Variants in PAQR8 observed in about 807,000 individuals in gnomAD.
The protein encoded by PAQR8 is progestin and adipoQ receptor family member 8.
PAQR8 carries 17 observed loss-of-function variants against 25.2 expected under a neutral mutation model. The ratio of observed to expected loss-of-function variants is 0.67; its 90% CI spans 0.46 to 1.01. The LOEUF is 1.01. Ranked by LOEUF, PAQR8 falls within the 50% of genes least tolerant of loss-of-function variation. PAQR8 has a pLI of 0.00. For missense variants in PAQR8, 392 were observed against 448.4 expected, an observed-to-expected ratio of 0.87 and a Z score of 1.14; for synonymous variants, 204 against 190.6, an observed-to-expected ratio of 1.07 and a Z score of -0.58.
At chr6:52,386,141 CCA>C (rs1562430980) in intron 1 of PAQR8, among the ~76,000 whole-genome samples, 1 of 151,854 alleles carries the variant, frequency 6.6e-6, no homozygotes, top group Non-Finnish European at 1.5e-5. Flanking sequence ...AAAACTACAA[CCA>C]GATACTATCT....
In PAQR8 at chr6:52,403,848, G is replaced by A. The variant is rs1264511253; in HGVS notation, c.635G>A (p.Cys212Tyr). The A allele has an allele frequency of 6.2e-7, 1 of 1,614,124 alleles. No individual in the cohort carries two copies. The highest frequency in any genetic ancestry group is 2.2e-5 in the East Asian group (1 of 44,900). The change falls in exon 2 of 2, where the codon TGT becomes TAT. Residue 212 changes from cysteine (C) to tyrosine (Y), a missense_variant. Coordinates refer to ENST00000442253, the MANE Select transcript of PAQR8 (RefSeq NM_133367.5). The part of the protein sequence containing the change: ...RRPYPVMRKI[C>Y]QVVPAGLAFI... Reference sequence around the variant, plus strand: ...CCTTATCCAGTCATGAGGAAGATCTGTCAAGTGGTGCCAGCAGGTCTGGCT... The same window carrying A: ...CCTTATCCAGTCATGAGGAAGATCTATCAAGTGGTGCCAGCAGGTCTGGCT...
intron 1 of PAQR8, among the ~76,000 whole-genome samples, chr6:52,388,103 C>T (rs751825540): frequency 2.6e-5 from 4 of 152,132 alleles, no homozygotes; most frequent in South Asian, 2.1e-4. Context: ...AGGCTGGATC[C>T]GGTAGCTCAT....
intron 1 of PAQR8, among the ~76,000 whole-genome samples, chr6:52,365,883 A>G (rs930312737): frequency 2.0e-5 from 3 of 152,140 alleles, no homozygotes; most frequent in Admixed American, 1.3e-4. Flanking sequence ...TATATTATGT[A>G]TAACAGTTTG....
chr6:52,374,599 T>A (rs1763460864), intron 1 of PAQR8, among the ~76,000 whole-genome samples: 1 of 152,176 alleles, frequency 6.6e-6, no homozygotes, highest in East Asian at 1.9e-4. Flanking sequence ...AGGGTCTTGC[T>A]ATGTTGGTGC....
chr6:52,403,788 C>T lies in PAQR8; in HGVS notation c.575C>T (p.Ala192Val), dbSNP rs768108853. 5.0e-6 allele frequency: 8 copies of T among 1,614,132 alleles called. No individual in the cohort carries two copies. The highest frequency in any genetic ancestry group is 1.3e-5 in the African/African-American group (1 of 74,940). Residue 192 changes from alanine (A) to valine (V), a missense_variant, in exon 2 of 2, where the codon GCT (alanine) becomes GTT (valine). Coordinates refer to ENST00000442253, the MANE Select transcript of PAQR8 (RefSeq NM_133367.5). Reference sequence around the variant, plus strand: ...GCCTTCTGTGGCTGGTTATCTTGTGCTGGCTGTTGCTATGCCAAATATCGT... The same window carrying T: ...GCCTTCTGTGGCTGGTTATCTTGTGTTGGCTGTTGCTATGCCAAATATCGT... Reference protein sequence around the residue: ...AAAFCGWLSCAGCCYAKYRYR... With the variant: ...AAAFCGWLSCVGCCYAKYRYR...
intron 1 of PAQR8, among the ~76,000 whole-genome samples, chr6:52,373,043 A>G (rs1208785717): frequency 6.6e-6 from 1 of 152,168 alleles, no homozygotes. Flanking sequence ...GCCATGCTAC[A>G]TGGTTGCTAC....
intron 1 of PAQR8, among the ~76,000 whole-genome samples, chr6:52,364,954 A>G (rs1162321760): frequency 6.6e-6 from 1 of 152,188 alleles, no homozygotes; most frequent in Non-Finnish European, 1.5e-5. Flanking sequence ...TTTGGTGTTT[A>G]TGCTCTGGTA....
chr6:52,370,840 C>G (rs1434401805), intron 1 of PAQR8, among the ~76,000 whole-genome samples: 3 of 152,216 alleles, frequency 2.0e-5, no homozygotes, highest in Admixed American at 1.3e-4. Flanking sequence ...TACTCCCTAT[C>G]TTCTGCATTG....
chr6:52,367,152 G>C (rs1038477156), intron 1 of PAQR8, among the ~76,000 whole-genome samples: 3 of 152,152 alleles, frequency 2.0e-5, no homozygotes, highest in East Asian at 1.9e-4. Flanking sequence ...ATACCTGGAG[G>C]GGGAGGGATG....
At chr6:52,389,953 C>G (rs181447546) in intron 1 of PAQR8, among the ~76,000 whole-genome samples, 1 of 152,292 alleles carries the variant, frequency 6.6e-6, no homozygotes, top group East Asian at 1.9e-4. Flanking sequence ...CAAACCACAC[C>G]TAACGAAGCC....
chr6:52,393,333 CTTTTTTTT>C (rs35079265), intron 1 of PAQR8, among the ~76,000 whole-genome samples: 232 of 111,172 alleles, frequency 2.1e-3, no homozygotes, highest in African/African-American at 7.2e-3. Context: ...CTTTCTCTCT[CTTTTTTTT>C]TTTTTTTTTT....
intron 1 of PAQR8, among the ~76,000 whole-genome samples, chr6:52,385,555 G>A (rs895711164): frequency 6.6e-6 from 1 of 152,128 alleles, no homozygotes. Context: ...TGACAAGTGA[G>A]ACCTAATTAA....
At chr6:52,393,147 G>C (rs959630862) in intron 1 of PAQR8, among the ~76,000 whole-genome samples, 2 of 152,048 alleles carry the variant, frequency 1.3e-5, no homozygotes, top group Non-Finnish European at 2.9e-5. Context: ...GTGCAGCCTT[G>C]GACAAGTTAT....
At chr6:52,384,609 A>G (rs975024508) in intron 1 of PAQR8, among the ~76,000 whole-genome samples, 1 of 152,226 alleles carries the variant, frequency 6.6e-6, no homozygotes, top group African/African-American at 2.4e-5. Flanking sequence ...AGGAGGAGGA[A>G]TTTCAAACCT....
chr6:52,399,299 G>T (rs189205415), intron 1 of PAQR8, among the ~76,000 whole-genome samples: 4 of 152,326 alleles, frequency 2.6e-5, no homozygotes, highest in Non-Finnish European at 1.5e-5. Context: ...TCAGAGCTCT[G>T]CAGTCATGGT....
At chr6:52,378,883 G>C (rs1763517354) in intron 1 of PAQR8, among the ~76,000 whole-genome samples, 1 of 151,870 alleles carries the variant, frequency 6.6e-6, no homozygotes, top group Non-Finnish European at 1.5e-5. Flanking sequence ...GATCACCTGA[G>C]GTCAGGAGTT....
rs1263120068 is a variant in PAQR8 at position 52,407,573 on chromosome 6, A to G, written c.*3295A>G. On this transcript the variant is annotated 3_prime_UTR_variant, in exon 2 of 2. Coordinates refer to ENST00000442253, the MANE Select transcript of PAQR8 (RefSeq NM_133367.5). ...TTTGGTTACTGCACTGTAGTTTCAA[A>G]TGGATCCTCCAGATGGCATTCATGT... is the stretch of plus-strand genomic sequence containing the variant. 2 of 165,006 alleles carry G rather than the reference A, an allele frequency of 1.2e-5. No individual in the cohort carries two copies. The highest frequency in any genetic ancestry group is 2.9e-5 in the Non-Finnish European group (2 of 67,884). The allele number at this position is 165,006 out of a possible 1,614,324, so 10.2% of individuals were successfully genotyped here.
At chr6:52,402,002 T>G (rs566063719) in intron 1 of PAQR8, among the ~76,000 whole-genome samples, 1 of 152,312 alleles carries the variant, frequency 6.6e-6, no homozygotes, top group Non-Finnish European at 1.5e-5. Context: ...CTAAATTATG[T>G]TAGGGTAGCT....
At chr6:52,385,251 T>G (rs1185733251) in intron 1 of PAQR8, among the ~76,000 whole-genome samples, 2 of 152,294 alleles carry the variant, frequency 1.3e-5, no homozygotes, top group South Asian at 4.1e-4. Context: ...CCCCTCTCAT[T>G]CTCTCTCTAC....
Sources: gnomAD v4.1 joint callset for allele counts (sites outside exome capture counted in the v4.1 genomes callset) on GRCh38, gnomAD v4.1.1 for gene constraint, MANE v1.5 for transcripts, NCBI Gene and HGNC (gene_info 2026-07-23, HGNC 2026-07-21) for gene names.